The following AIFM1 variants were observed in gnomAD, a reference collection of about 807,000 sequenced individuals.
AIFM1 encodes apoptosis inducing factor mitochondria associated 1.
Under a neutral mutation model 51.7 loss-of-function variants are expected in AIFM1, and 3 were observed. The observed-to-expected ratio is 0.06, with a 90% CI of 0.03 to 0.15. The LOEUF (loss-of-function observed/expected upper bound fraction) is 0.15, where lower values mean the gene tolerates loss of function less well. Among genes scored for constraint, AIFM1 ranks in the 10% least tolerant of loss-of-function variants. The pLI, the probability that AIFM1 is intolerant of heterozygous loss-of-function variation, is 1.00. For synonymous variants in AIFM1, 178 were observed against 179.4 expected (o/e 0.99, Z 0.06); for missense variants, 330 against 476.8 (o/e 0.69, Z 2.87).
intron 1 of AIFM1, among the ~76,000 whole-genome samples, chrX:130,163,949 A>G (rs1471934381): frequency 9.5e-6 from 1 of 105,329 alleles, no homozygotes; most frequent in East Asian, 3.0e-4. Context: ...AGGTCAGGAG[A>G]TCGAGACCAT....
intron 5 of AIFM1, among the ~76,000 whole-genome samples, chrX:130,146,647 A>G (rs1300091818): frequency 1.8e-5 from 2 of 110,947 alleles, no homozygotes; most frequent in Admixed American, 9.7e-5. Flanking sequence ...ATTGGAACCC[A>G]AAGAACATGG....
At chrX:130,137,609 T>G in intron 9 of AIFM1, 2 of 1,134,355 alleles carry the variant, frequency 1.8e-6, no homozygotes, top group East Asian at 3.3e-5. Context: ...AACCATCATG[T>G]GCCCAAAGAA....
intron 6 of AIFM1, 99 bp from the exon 7 acceptor site, chrX:130,140,716 T>C (rs1241936761): frequency 1.6e-6 from 1 of 627,155 alleles, no homozygotes; most frequent in Non-Finnish European, 2.6e-6. Context: ...CATTTTAAAG[T>C]GTGGAATTCT....
chrX:130,142,731 C>T (rs973377848), intron 6 of AIFM1, among the ~76,000 whole-genome samples: 3 of 111,493 alleles, frequency 2.7e-5, no homozygotes, highest in Non-Finnish European at 3.8e-5. Context: ...CTGCAACCTC[C>T]GCCTCCTGGG....
chrX:130,133,344 C>T lies in AIFM1; in HGVS notation c.1417G>A (p.Ala473Thr). The T allele has an allele frequency of 8.3e-7, 1 of 1,211,471 alleles. No individual in the cohort carries two copies. Among genetic ancestry groups the T allele is most frequent in the Non-Finnish European group, 1.1e-6 (1 of 895,431 alleles). ...RLAGENMTGA[A>T]KPYWHQSMFW... ...ATTGACTGATGCCAGTACGGCTTAG[C>T]AGCTCCAGTCATATTTTCTCCAGCC... The change falls in exon 13 of 16, where the codon GCT (alanine) becomes ACT (threonine). Residue 473 changes from alanine (A) to threonine (T), a missense_variant. By Grantham distance (58) the Ala-to-Thr change is moderately conservative (BLOSUM62 0). This residue lies in a region of AIFM1 where 152 missense variants were observed against 292.8 expected (regional missense o/e 0.52). Transcript: ENST00000287295.
intron 1 of AIFM1, among the ~76,000 whole-genome samples, chrX:130,165,035 T>G (rs1232813474): frequency 9.2e-6 from 1 of 109,109 alleles, no homozygotes; most frequent in African/African-American, 3.3e-5. Flanking sequence ...TCTCTGGGTG[T>G]CTGGTACACA....
intron 8 of AIFM1, 88 bp from the exon 9 acceptor site, chrX:130,138,789 C>CA: frequency 1.5e-6 from 1 of 648,181 alleles, no homozygotes; most frequent in South Asian, 2.3e-5. Flanking sequence ...AAATCTTTGG[C>CA]AAAAGTAAAT....
At chrX:130,156,748 G>A in intron 1 of AIFM1, 145 bp from the exon 2 acceptor site, 1 of 670,565 alleles carries the variant, frequency 1.5e-6, no homozygotes, top group South Asian at 2.6e-5. Flanking sequence ...CATCAAAACT[G>A]CATATATAAA....
intron 1 of AIFM1, among the ~76,000 whole-genome samples, chrX:130,160,475 C>T (rs2124677483): frequency 8.9e-6 from 1 of 112,336 alleles, no homozygotes; most frequent in South Asian, 3.6e-4. Flanking sequence ...TGTGCAACAG[C>T]GCCAGACGAC....
At chrX:130,150,557 G>A (rs1394795521) in intron 2 of AIFM1, among the ~76,000 whole-genome samples, 2 of 104,687 alleles carry the variant, frequency 1.9e-5, no homozygotes, top group African/African-American at 3.5e-5. Flanking sequence ...GGATGGTCTC[G>A]ATCTCCTGAC....
chrX:130,146,726 C>T (rs974331631), intron 5 of AIFM1, among the ~76,000 whole-genome samples: 1 of 111,056 alleles, frequency 9.0e-6, no homozygotes, highest in Non-Finnish European at 1.9e-5. Flanking sequence ...CCAAGTCTGT[C>T]GTGCAAAAAT....
At chrX:130,146,451 A>ATG (rs60694841) in intron 5 of AIFM1, among the ~76,000 whole-genome samples, 3,413 of 89,367 alleles carry the variant, frequency 0.038, 60 homozygotes, top group Admixed American at 0.077. Context: ...CTCTCAAAAT[A>ATG]TGTGTGTGTG....
In AIFM1 at chrX:130,148,948, G is replaced by C. The variant is rs1477512663; in HGVS notation, c.349+521C>G. ...TTTTTTTTTTTTTTTTTTAGACAGAGTCTTGCTCTGTCACCCAAGCTGGAG... is the reference window on the plus strand; with the variant it reads ...TTTTTTTTTTTTTTTTTTAGACAGACTCTTGCTCTGTCACCCAAGCTGGAG... On this transcript the variant is annotated intron_variant, in intron 3 of 15. Coordinates refer to ENST00000287295, the MANE Select transcript of AIFM1 (RefSeq NM_004208.4). Among the ~76,000 whole-genome samples, 9 of 79,801 alleles carry C rather than the reference G, an allele frequency of 1.1e-4. No homozygotes were observed. The East Asian group carries it at 3.7e-3, about 33-fold the overall frequency. The allele number at this position is 79,801 out of a possible 115,157, so 69.3% of individuals were successfully genotyped here. A position where few individuals can be genotyped will look rare whatever the true frequency, so the allele number is the denominator to read the frequency against.
chrX:130,145,520 G>T lies in AIFM1; in HGVS notation c.655C>A (p.His219Asn). 1.7e-6 allele frequency: 2 copies of T among 1,210,708 alleles called. No homozygotes were observed. The highest frequency in any genetic ancestry group is 2.2e-6 in the Non-Finnish European group (2 of 894,576). ...SFYVSAQDLP[H>N]IENGGVAVLT... ...ACAGCCACACCACCATTCTCAATATGAGGCAGGTCCTGAGCAGAGACATAG... is the reference window on the plus strand; with the variant it reads ...ACAGCCACACCACCATTCTCAATATTAGGCAGGTCCTGAGCAGAGACATAG... Residue 219 changes from histidine (H) to asparagine (N), a missense_variant, in exon 6 of 16, where the codon CAT becomes AAT. Transcript: ENST00000287295.
At chrX:130,154,088 C>T (rs1293514460) in intron 2 of AIFM1, among the ~76,000 whole-genome samples, 1 of 112,520 alleles carries the variant, frequency 8.9e-6, no homozygotes, top group African/African-American at 3.2e-5. Context: ...AGTTCAATAA[C>T]AGTTGTAGGT....
intron 1 of AIFM1, 81 bp from the exon 2 acceptor site, chrX:130,156,684 T>C (rs2031173087): frequency 9.7e-7 from 1 of 1,035,940 alleles, no homozygotes; most frequent in Admixed American, 2.2e-5. Flanking sequence ...GTCAATGCAC[T>C]GTACAAGACT....
At chrX:130,151,986 C>G (rs779256946) in intron 2 of AIFM1, among the ~76,000 whole-genome samples, 3 of 110,234 alleles carry the variant, frequency 2.7e-5, no homozygotes, top group Non-Finnish European at 5.7e-5. Flanking sequence ...CTGCAGTGAG[C>G]CGAGATTGCA....
In AIFM1 at chrX:130,131,699, G is replaced by A; in HGVS notation, c.1549C>T (p.Pro517Ser). Residue 517 changes from proline (P) to serine (S), a missense_variant, in exon 14 of 16, where the codon CCC becomes TCC. By Grantham distance (74) the Pro-to-Ser change is moderately conservative (BLOSUM62 -1). This residue lies in a region of AIFM1 where 56 missense variants were observed against 48.8 expected (regional missense o/e 1.15). Coordinates refer to ENST00000287295, the MANE Select transcript of AIFM1 (RefSeq NM_004208.4). ...CCTGACTGCTCTGTGGCAGATTTGGGGTTGTCTTGTGCAGTTGCTTTTGCA... is the reference window on the plus strand; with the variant it reads ...CCTGACTGCTCTGTGGCAGATTTGGAGTTGTCTTGTGCAGTTGCTTTTGCA... The part of the protein sequence containing the change: ...VFAKATAQDN[P>S]KSATEQSGTG... 8.3e-7 allele frequency: 1 copy of A among 1,211,831 alleles called. No individual in the cohort carries two copies. The highest frequency in any genetic ancestry group is 1.1e-6 in the Non-Finnish European group (1 of 895,519).
intron 9 of AIFM1, chrX:130,137,659 C>A: frequency 6.3e-6 from 7 of 1,103,671 alleles, no homozygotes; most frequent in Non-Finnish European, 8.3e-6. Context: ...TCAAAGACAC[C>A]CATAATTCTG....
Sources: gnomAD v4.1 joint callset for allele counts (sites outside exome capture counted in the v4.1 genomes callset) on GRCh38, gnomAD v4.1.1 for gene constraint, gnomAD v4.1.1 regional missense constraint, MANE v1.5 for transcripts, NCBI Gene and HGNC (gene_info 2026-07-23, HGNC 2026-07-21) for gene names.